Variants in CDH4 observed in about 807,000 individuals in gnomAD.
CDH4 encodes cadherin 4, also known as cadherin-4.
CDH4 carries 33 observed loss-of-function variants against 86.0 expected under a neutral mutation model. The ratio of observed to expected loss-of-function variants is 0.38; its 90% CI spans 0.29 to 0.51. The LOEUF is 0.51. Among genes scored for constraint, CDH4 ranks in the 20% least tolerant of loss-of-function variants. The pLI, the probability that CDH4 is intolerant of heterozygous loss-of-function variation, is 0.86. For missense variants in CDH4, 1,114 were observed against 1,307.4 expected (o/e 0.85, Z 2.28); for synonymous variants, 555 against 549.4 (o/e 1.01, Z -0.14).
chr20:61,537,134 G>C (rs2086003210), intron 2 of CDH4, among the ~76,000 whole-genome samples: 1 of 152,224 alleles, frequency 6.6e-6, no homozygotes, highest in Non-Finnish European at 1.5e-5. Context: ...TTTAAAGGCT[G>C]AGGTCTACAT....
chr20:61,620,502 G>A (rs2086767834), intron 2 of CDH4, among the ~76,000 whole-genome samples: 1 of 149,556 alleles, frequency 6.7e-6, no homozygotes. Flanking sequence ...ATGGATGATA[G>A]ATGATAGATT....
At chr20:61,317,685 A>G (rs2084484243) in intron 2 of CDH4, among the ~76,000 whole-genome samples, 2 of 152,266 alleles carry the variant, frequency 1.3e-5, no homozygotes, top group South Asian at 4.1e-4. Context: ...AGGTGCCACA[A>G]CCAAAAATGC....
In CDH4 at chr20:61,501,764, A is replaced by G. The variant is rs111366407; in HGVS notation, c.170-241799A>G. Among the ~76,000 whole-genome samples the G allele has an allele frequency of 9.8e-4, 149 of 152,288 alleles. No homozygotes were observed. Among genetic ancestry groups the G allele is most frequent in the African/African-American group, 3.4e-3 (140 of 41,574 alleles). On this transcript the variant is annotated intron_variant, in intron 2 of 15. Coordinates refer to ENST00000614565, the MANE Select transcript of CDH4 (RefSeq NM_001794.5). This position sits in a 1 kb window ranked among gnomAD's most constrained non-coding sequence, Gnocchi z 4.2. ...TCCACCATTCGTTAGGGAGCCACTCATTATGGGACGGACCACCAGACGCGA... is the reference window on the plus strand; with the variant it reads ...TCCACCATTCGTTAGGGAGCCACTCGTTATGGGACGGACCACCAGACGCGA...
chr20:61,311,847 G>A (rs894578795), intron 2 of CDH4, among the ~76,000 whole-genome samples: 4 of 152,270 alleles, frequency 2.6e-5, no homozygotes, highest in Admixed American at 6.5e-5. Context: ...TGTGGGACGC[G>A]CCAGGGCGGG....
intron 15 of CDH4, 25 bp from the exon 16 acceptor site, chr20:61,936,712 C>A (rs1213692781): frequency 1.3e-6 from 2 of 1,508,710 alleles, no homozygotes; most frequent in Non-Finnish European, 1.8e-6. Context: ...GTCCTGCACC[C>A]TAACTCTGTG....
intron 2 of CDH4, among the ~76,000 whole-genome samples, chr20:61,545,097 G>T (rs1198224841): frequency 6.6e-6 from 1 of 152,186 alleles, no homozygotes; most frequent in Admixed American, 6.5e-5. Context: ...TGTCTCCAGG[G>T]TGCTTTCTGA....
rs1004837243 is a variant in CDH4 at position 61,393,496 on chromosome 20, C to G, written c.169+138559C>G. 2.6e-5 allele frequency among the ~76,000 whole-genome samples: 4 copies of G among 152,178 alleles called. No homozygotes were observed. The highest frequency in any genetic ancestry group is 5.9e-5 in the Non-Finnish European group (4 of 68,026). ...GACACGCTGAACCACAACTTTCTTT[C>G]CAGAGTAATTCTGAATGACAGCCCA... On this transcript the variant is annotated intron_variant, in intron 2 of 15. Coordinates refer to ENST00000614565, the MANE Select transcript of CDH4 (RefSeq NM_001794.5). This position sits in a 1 kb window ranked among gnomAD's most constrained non-coding sequence, Gnocchi z 4.3.
rs567764264 is a variant in CDH4 at position 61,582,045 on chromosome 20, G to T, written c.170-161518G>T. On this transcript the variant is annotated intron_variant, in intron 2 of 15. Transcript: ENST00000614565. The surrounding 1 kb of genome is among the most constrained non-coding windows in gnomAD (Gnocchi z 4.2). ...CCTCAGGGCAGCCTGTGGGAAGAGG[G>T]TGCTCCCAGCCCTCCAGCCTGGCTG... Among the ~76,000 whole-genome samples, 16 of 152,314 alleles carry T rather than the reference G, an allele frequency of 1.1e-4. No individual in the cohort carries two copies. Among genetic ancestry groups the T allele is most frequent in the Non-Finnish European group, 1.9e-4 (13 of 68,022 alleles).
chr20:61,787,293 C>A (rs1192904998), intron 4 of CDH4, among the ~76,000 whole-genome samples: 1 of 152,190 alleles, frequency 6.6e-6, no homozygotes, highest in Non-Finnish European at 1.5e-5. Flanking sequence ...ACTCACAGTT[C>A]AGCAGGTCTG....
At chr20:61,438,777 ACATCCCAGCAGTGTC>A (rs2085298901) in intron 2 of CDH4, among the ~76,000 whole-genome samples, 1 of 152,188 alleles carries the variant, frequency 6.6e-6, no homozygotes, top group Non-Finnish European at 1.5e-5. Context: ...CCCACAGAAA[ACATCCCAGCAGTGTC>A]CAGAAAGAGA....
chr20:61,651,703 A>C (rs1299523913), intron 2 of CDH4, among the ~76,000 whole-genome samples: 4 of 152,160 alleles, frequency 2.6e-5, no homozygotes, highest in Non-Finnish European at 4.4e-5. Context: ...CTCCAAATTT[A>C]ATAATTCCCA....
At position 61,464,008 on chromosome 20, in the gene CDH4, G is replaced by A. The variant is rs566447872; in HGVS notation, c.169+209071G>A. Among the ~76,000 whole-genome samples the A allele has an allele frequency of 2.6e-5, 4 of 152,302 alleles. No individual in the cohort carries two copies. In the South Asian group the frequency reaches 8.3e-4, roughly 32 times the overall value. ...TTATACCTCTCTTACAGTAGCTCCT[G>A]GCTAATGACCCTCTCCTCAGCAGTT... is the stretch of plus-strand genomic sequence containing the variant. On this transcript the variant is annotated intron_variant, in intron 2 of 15. Coordinates refer to ENST00000614565, the MANE Select transcript of CDH4 (RefSeq NM_001794.5).
At chr20:61,925,169 C>CAGG (rs2055031232) in intron 11 of CDH4, among the ~76,000 whole-genome samples, 1 of 152,182 alleles carries the variant, frequency 6.6e-6, no homozygotes, top group South Asian at 2.1e-4. Context: ...GCAGAGACGG[C>CAGG]AGGAAGAAGG....
chr20:61,832,559 G>A (rs748540095), intron 4 of CDH4, among the ~76,000 whole-genome samples: 3 of 152,292 alleles, frequency 2.0e-5, no homozygotes, highest in Admixed American at 1.3e-4. Context: ...GGCAGAAGGC[G>A]AAGGGGAAGC....
intron 2 of CDH4, among the ~76,000 whole-genome samples, chr20:61,741,287 A>G (rs1446647253): frequency 2.0e-5 from 3 of 152,136 alleles, no homozygotes; most frequent in Non-Finnish European, 4.4e-5. Context: ...TCACTTCCCC[A>G]AGCCACCCAC....
At chr20:61,380,252 A>T (rs1209974317) in intron 2 of CDH4, among the ~76,000 whole-genome samples, 1 of 152,200 alleles carries the variant, frequency 6.6e-6, no homozygotes, top group East Asian at 1.9e-4. Context: ...ACTGTTAAAA[A>T]AATCCATCTT....
intron 2 of CDH4, among the ~76,000 whole-genome samples, chr20:61,366,967 T>G (rs1179484215): frequency 1.3e-5 from 2 of 152,208 alleles, no homozygotes. Flanking sequence ...TTGGGCCCTT[T>G]GCGGACCCTC....
At chr20:61,796,125 T>A (rs56326407) in intron 4 of CDH4, among the ~76,000 whole-genome samples, 114,818 of 152,090 alleles carry the variant, frequency 0.75, 43,744 homozygotes, top group African/African-American at 0.87. Flanking sequence ...CCTCACCCTG[T>A]GGGGCCACTG....
At chr20:61,334,399 T>C (rs946143546) in intron 2 of CDH4, among the ~76,000 whole-genome samples, 1 of 152,122 alleles carries the variant, frequency 6.6e-6, no homozygotes, top group Admixed American at 6.5e-5. Context: ...GGTGGTGCAG[T>C]GCGTCTGGTC....
Sources: allele counts gnomAD v4.1 joint callset (sites outside exome capture counted in the v4.1 genomes callset), GRCh38; gene constraint gnomAD v4.1.1; non-coding constraint Gnocchi (gnomAD v3.1); transcripts MANE v1.5; gene names NCBI Gene and HGNC (gene_info 2026-07-23, HGNC 2026-07-21).